HAT1: variants seen among roughly 807,000 people sequenced by gnomAD.
HAT1 encodes histone acetyltransferase 1.
In HAT1, 20 loss-of-function variants were observed where a neutral mutation model predicts 56.6. The observed-to-expected ratio is 0.35, with a 90% CI of 0.25 to 0.51. The LOEUF (loss-of-function observed/expected upper bound fraction) is 0.51, where lower values mean the gene tolerates loss of function less well. HAT1 is among the 20% of genes least tolerant of loss of function. The pLI is 0.95. For synonymous variants in HAT1, 146 were observed against 165.5 expected (o/e 0.88, Z 0.91); for missense variants, 408 against 504.3 (o/e 0.81, Z 1.83).
At chr2:171,925,184 T>G (rs1255102112) in intron 1 of HAT1, among the ~76,000 whole-genome samples, 2 of 151,398 alleles carry the variant, frequency 1.3e-5, no homozygotes, top group African/African-American at 4.9e-5. Flanking sequence ...GAGATTCTCC[T>G]GCCTCAGCCT....
chr2:171,938,024 TTCTCTCTCTCTCTCTCTCTCTCTCTC>T (rs374402453), intron 2 of HAT1, among the ~76,000 whole-genome samples: 23 of 104,848 alleles, frequency 2.2e-4, no homozygotes, highest in Admixed American at 1.9e-3. Context: ...TGTCTACTGA[TTCTCTCTCTCTCTCTCTCTCTCTCTC>T]TCTCTCTCTC....
At chr2:171,958,850 CTAAT>C (rs1687509157) in intron 4 of HAT1, among the ~76,000 whole-genome samples, 1 of 152,138 alleles carries the variant, frequency 6.6e-6, no homozygotes, top group Non-Finnish European at 1.5e-5. Flanking sequence ...ATCTATAAAA[CTAAT>C]TGTGCGTAGC....
intron 8 of HAT1, among the ~76,000 whole-genome samples, chr2:171,968,413 C>T (rs536024812): frequency 6.6e-6 from 1 of 152,180 alleles, no homozygotes; most frequent in African/African-American, 2.4e-5. Flanking sequence ...GGTAATGTGC[C>T]AGCAGGGGTT....
chr2:171,972,498 C>T (rs1237672200), intron 8 of HAT1, among the ~76,000 whole-genome samples: 1 of 152,164 alleles, frequency 6.6e-6, no homozygotes, highest in Non-Finnish European at 1.5e-5. Flanking sequence ...CTCCAGGGCT[C>T]CAGCTGTCCT....
chr2:171,976,514 G>A (rs909340850), intron 9 of HAT1, among the ~76,000 whole-genome samples: 6 of 152,154 alleles, frequency 3.9e-5, no homozygotes, highest in African/African-American at 1.4e-4. Flanking sequence ...AATTTACCTC[G>A]TGCCTCAGTT....
intron 9 of HAT1, among the ~76,000 whole-genome samples, chr2:171,978,772 T>G (rs1220963960): frequency 6.6e-6 from 1 of 152,180 alleles, no homozygotes; most frequent in Non-Finnish European, 1.5e-5. Context: ...TTTGTGCATA[T>G]TGCTTACATT....
chr2:171,959,087 A>G (rs911989887), intron 4 of HAT1, among the ~76,000 whole-genome samples: 2 of 152,228 alleles, frequency 1.3e-5, no homozygotes, highest in African/African-American at 4.8e-5. Flanking sequence ...TATTTTATAT[A>G]GTTTGTTTCC....
chr2:171,969,696 AT>A (rs1260279111), intron 8 of HAT1, among the ~76,000 whole-genome samples: 2 of 152,206 alleles, frequency 1.3e-5, no homozygotes, highest in Non-Finnish European at 2.9e-5. Flanking sequence ...ACAAAGTATT[AT>A]CAGTCATAAT....
intron 2 of HAT1, among the ~76,000 whole-genome samples, chr2:171,931,256 T>C (rs1686738066): frequency 6.6e-6 from 1 of 151,798 alleles, no homozygotes; most frequent in Admixed American, 6.6e-5. Flanking sequence ...CCAGGCATGA[T>C]GGTGTGCATC....
chr2:171,983,059 AC>A (rs1407409331), intron 10 of HAT1, 125 bp from the exon 11 acceptor site: 1 of 543,542 alleles, frequency 1.8e-6, no homozygotes, highest in South Asian at 3.5e-5. Flanking sequence ...CAAAAAAAAA[AC>A]ATTGTGGGAC....
intron 4 of HAT1, among the ~76,000 whole-genome samples, chr2:171,959,284 T>C (rs1687520489): frequency 6.6e-6 from 1 of 152,240 alleles, no homozygotes; most frequent in Admixed American, 6.5e-5. Context: ...GATATTCTTA[T>C]TAAAAATGCA....
chr2:171,973,266 G>A (rs902487725), intron 8 of HAT1, among the ~76,000 whole-genome samples: 1 of 152,108 alleles, frequency 6.6e-6, no homozygotes, highest in Non-Finnish European at 1.5e-5. Context: ...CTCTGGCAAA[G>A]CAGCACCTCA....
At position 171,979,309 on chromosome 2, in the gene HAT1, A is replaced by G. The variant is rs1371375153; in HGVS notation, c.1038A>G (p.Glu346=). 1.2e-6 allele frequency: 2 copies of G among 1,608,074 alleles called. No homozygotes were observed. Among genetic ancestry groups the G allele is most frequent in the South Asian group, 2.2e-5 (2 of 90,776 alleles). The part of the protein sequence containing the change: ...RLLVTDMSDA[E]QYRSYRLDIK... ...TGGTAACTGACATGAGTGATGCCGA[A>G]CAATACAGAAGCTACAGACTGGATA... Residue 346 remains glutamate (E), a synonymous_variant, in exon 10 of 11, where the codon GAA becomes GAG. Coordinates refer to ENST00000264108, the MANE Select transcript of HAT1 (RefSeq NM_003642.4).
chr2:171,932,733 G>A lies in HAT1; in HGVS notation c.112+7092G>A, dbSNP rs532616586. Among the ~76,000 whole-genome samples the A allele has an allele frequency of 3.3e-5, 5 of 152,208 alleles. No homozygotes were observed. The South Asian group carries it at 1.0e-3, about 32-fold the overall frequency. On this transcript the variant is annotated intron_variant, in intron 2 of 10. Transcript: ENST00000264108. Reference sequence around the variant, plus strand: ...AAAATTTAAAAATTAGCCAAGCATGGTGGCATGCACCCATAGTCCTAGCTA... The same window carrying A: ...AAAATTTAAAAATTAGCCAAGCATGATGGCATGCACCCATAGTCCTAGCTA...
chr2:171,931,108 GT>G (rs1228864500), intron 2 of HAT1, among the ~76,000 whole-genome samples: 1 of 152,060 alleles, frequency 6.6e-6, no homozygotes, highest in African/African-American at 2.4e-5. Context: ...ATGCCATAGT[GT>G]GGCTGGGCAT....
chr2:171,974,195 A>AAG lies in HAT1; in HGVS notation c.824-1961_824-1960insGA, dbSNP rs1687899435. Among the ~76,000 whole-genome samples, 5 of 57,084 alleles carry AAG rather than the reference A, an allele frequency of 8.8e-5. No homozygotes were observed. The East Asian group carries it at 1.3e-3, about 15-fold the overall frequency. 37.4% of individuals were successfully genotyped at this position (57,084 alleles called of 152,430 possible). On this transcript the variant is annotated intron_variant, in intron 8 of 10. Transcript: ENST00000264108. Reference sequence around the variant, plus strand: ...TCTCAAAAAAAAAAAAAAAAAAAGAAAAAAAGAAAAAGAAAAAAAAAAAAA... The same window carrying AAG: ...TCTCAAAAAAAAAAAAAAAAAAAGAAAGAAAAAGAAAAAGAAAAAAAAAAAAA...
intron 2 of HAT1, among the ~76,000 whole-genome samples, chr2:171,940,725 G>A (rs949989110): frequency 3.3e-5 from 5 of 152,128 alleles, no homozygotes; most frequent in Non-Finnish European, 5.9e-5. Context: ...AAGGTTTTGT[G>A]GCTTTGTTGG....
At chr2:171,942,259 A>T (rs2028673) in intron 2 of HAT1, among the ~76,000 whole-genome samples, 27,793 of 151,822 alleles carry the variant, frequency 0.18, 3,674 homozygotes, top group African/African-American at 0.37. Context: ...TATACTGTAT[A>T]TTTTTTCTGA....
chr2:171,962,710 A>AT (rs542695551), intron 4 of HAT1, among the ~76,000 whole-genome samples: 115 of 152,186 alleles, frequency 7.6e-4, no homozygotes, highest in Middle Eastern at 3.4e-3. Flanking sequence ...CTTTTTAAAA[A>AT]TTTTTTTGAA....
Sources: allele counts gnomAD v4.1 joint callset (sites outside exome capture counted in the v4.1 genomes callset), GRCh38; gene constraint gnomAD v4.1.1; transcripts MANE v1.5; gene names NCBI Gene and HGNC (gene_info 2026-07-23, HGNC 2026-07-21).